COL18A1: variants seen among roughly 807,000 people sequenced by gnomAD.
The protein encoded by COL18A1 is collagen type XVIII alpha 1 chain, also known as collagen alpha-1(XVIII) chain.
COL18A1 carries 133 observed loss-of-function variants against 168.0 expected under a neutral mutation model. That is an observed-to-expected ratio of 0.79 (90% CI 0.69 to 0.91). COL18A1 has a LOEUF of 0.91. COL18A1 is among the 40% of genes least tolerant of loss of function. COL18A1 has a pLI of 0.00. For synonymous variants in COL18A1, 949 were observed against 809.0 expected (o/e 1.17, Z -2.94); for missense variants, 2,126 against 1,925.4 (o/e 1.10, Z -1.95).
At chr21:45,510,407 G>A in intron 40 of COL18A1, 146 bp downstream of exon 40, 1 of 936,018 alleles carries the variant, frequency 1.1e-6, no homozygotes, top group Non-Finnish European at 1.7e-6. Flanking sequence ...TTCAGGGCAG[G>A]CTCCGGGTGG....
chr21:45,423,235 A>G lies in COL18A1; in HGVS notation c.106+17762A>G, dbSNP rs1417517583. On this transcript the variant is annotated intron_variant, in intron 2 of 41. Transcript: ENST00000651438. This position sits in a 1 kb window ranked among gnomAD's most constrained non-coding sequence, Gnocchi z 4.0. ...ACCATGGCTTATGTTCCATGGTGAC[A>G]TGGTTCTTGAGGGTTAGCTGGTCCA... Among the ~76,000 whole-genome samples, 3 of 152,112 alleles carry G rather than the reference A, an allele frequency of 2.0e-5. No homozygotes were observed. The highest frequency in any genetic ancestry group is 7.2e-5 in the African/African-American group (3 of 41,438).
chr21:45,494,454 T>TA lies in COL18A1; in HGVS notation c.2353-89dup. The TA allele has an allele frequency of 2.5e-6, 4 of 1,590,960 alleles. No homozygotes were observed. The South Asian group carries it at 4.4e-5, about 18-fold the overall frequency. ...ATCAGGTGGGGCACAAGCCGCCACC[T>TA]AACCGTGCCTTCGCCACAGGGGCCC... On this transcript the variant is annotated intron_variant, in intron 26 of 41. Transcript: ENST00000651438.
At chr21:45,432,913 C>T (rs891619522) in intron 2 of COL18A1, among the ~76,000 whole-genome samples, 1 of 152,258 alleles carries the variant, frequency 6.6e-6, no homozygotes, top group Non-Finnish European at 1.5e-5. Context: ...ATGCCTGTGC[C>T]AACCCCTCCG....
chr21:45,497,736 G>A (rs962778412), intron 32 of COL18A1, 75 bp downstream of exon 32: 11 of 1,538,530 alleles, frequency 7.1e-6, no homozygotes, highest in South Asian at 3.6e-5. Context: ...ACCTAGAGCC[G>A]CCACCACAAG....
At chr21:45,454,957 T>C (rs2034745189) in intron 2 of COL18A1, among the ~76,000 whole-genome samples, 1 of 152,210 alleles carries the variant, frequency 6.6e-6, no homozygotes, top group Non-Finnish European at 1.5e-5. Flanking sequence ...GCACAGCAGC[T>C]CTGAGAGGGT....
rs766511833 is a variant in COL18A1, at chr21:45,477,901, C to A, written c.1157C>A (p.Pro386His). The change falls in exon 8 of 42, where the codon CCC becomes CAC. Residue 386 changes from proline (P) to histidine (H), a missense_variant. Coordinates refer to ENST00000651438, the MANE Select transcript of COL18A1 (RefSeq NM_001379500.1). ...GPAGPALQTV[P>H]GPQGPPGPPG... ...GCAGGCCCAGCGTTGCAAACTGTCC[C>A]CGGACCACAAGGACCCCCAGGGCCT... The A allele has an allele frequency of 6.4e-7, 1 of 1,565,456 alleles. No homozygotes were observed. Among genetic ancestry groups the A allele is most frequent in the East Asian group, 2.4e-5 (1 of 41,842 alleles).
intron 2 of COL18A1, among the ~76,000 whole-genome samples, chr21:45,466,875 C>A (rs2035232060): frequency 6.6e-6 from 1 of 152,236 alleles, no homozygotes. Context: ...CGGCCTCTGG[C>A]CCCCAGGCCG....
chr21:45,439,407 A>G (rs566992628), intron 2 of COL18A1, among the ~76,000 whole-genome samples: 14 of 152,356 alleles, frequency 9.2e-5, no homozygotes, highest in Admixed American at 5.9e-4. Context: ...GTGGGCAGAG[A>G]GGTCATGACC....
Position 45,435,626 on chromosome 21 carries a change from G to A in COL18A1, c.106+30153G>A, listed in dbSNP as rs546164097. Reference sequence around the variant, plus strand: ...CGGGAGGGAGTCAGAGGTTGGCTGGGGCAGAGGTGGGGTCAGGGAGCAGGA... The same window carrying A: ...CGGGAGGGAGTCAGAGGTTGGCTGGAGCAGAGGTGGGGTCAGGGAGCAGGA... On this transcript the variant is annotated intron_variant, in intron 2 of 41. Transcript: ENST00000651438. 6.1e-3 allele frequency among the ~76,000 whole-genome samples: 931 copies of A among 152,254 alleles called. 8 individuals carry two copies. Among genetic ancestry groups the A allele is most frequent in the Non-Finnish European group, 7.7e-3 (526 of 68,000 alleles).
chr21:45,512,575 T>A lies in COL18A1; in HGVS notation c.*177T>A, dbSNP rs1011481204. The A allele has an allele frequency of 6.7e-5, 44 of 658,778 alleles. No homozygotes were observed. The highest frequency in any genetic ancestry group is 9.1e-5 in the African/African-American group (5 of 54,876). The allele number at this position is 658,778 out of a possible 1,614,324, so 40.8% of individuals were successfully genotyped here. A position where few individuals can be genotyped will look rare whatever the true frequency, so the allele number is the denominator to read the frequency against. On this transcript the variant is annotated 3_prime_UTR_variant, in exon 42 of 42. Transcript: ENST00000651438. ...AAGGAAGCCAAAGAGTGTATTTTTT[T>A]AAAAGTTTAAAACAGAAGCCTGATG...
In COL18A1 at chr21:45,450,034, G is replaced by A. The variant is rs140887353; in HGVS notation, c.107-18208G>A. On this transcript the variant is annotated intron_variant, in intron 2 of 41. Transcript: ENST00000651438. Reference sequence around the variant, plus strand: ...TTTTCATTTCAAAAGGGCTGGAGACGTGTCTGCGGCATCCAAACCTTGACT... The same window carrying A: ...TTTTCATTTCAAAAGGGCTGGAGACATGTCTGCGGCATCCAAACCTTGACT... Among the ~76,000 whole-genome samples, 47 of 152,354 alleles carry A rather than the reference G, an allele frequency of 3.1e-4. No individual in the cohort carries two copies. In the East Asian group the frequency reaches 8.3e-3, roughly 27 times the overall value.
chr21:45,432,993 C>T (rs994322060), intron 2 of COL18A1, among the ~76,000 whole-genome samples: 1 of 152,202 alleles, frequency 6.6e-6, no homozygotes, highest in African/African-American at 2.4e-5. Context: ...TCTACTTTTC[C>T]TAGAATAAGT....
chr21:45,509,828 G>A (rs976219639), intron 39 of COL18A1, among the ~76,000 whole-genome samples: 9 of 152,194 alleles, frequency 5.9e-5, no homozygotes, highest in East Asian at 1.9e-4. Context: ...TTGAGGAACC[G>A]GCGTACCTCC....
rs201512380 is a variant in COL18A1, at chr21:45,492,543, C to T, written c.2166C>T (p.Val722=). The T allele has an allele frequency of 6.2e-7, 1 of 1,613,358 alleles. No homozygotes were observed. Among genetic ancestry groups the T allele is most frequent in the East Asian group, 2.2e-5 (1 of 44,884 alleles). ...CTTTTGCTCGTGGACAGGGATCCGTCCTGAGCGTGCCGGGACCTGAGGTAT... is the reference window on the plus strand; with the variant it reads ...CTTTTGCTCGTGGACAGGGATCCGTTCTGAGCGTGCCGGGACCTGAGGTAT... ...VVYVSEQDGS[V]LSVPGPEGRP... Residue 722 remains valine (V), a synonymous_variant, in exon 23 of 42, where the codon GTC becomes GTT. Coordinates refer to ENST00000651438, the MANE Select transcript of COL18A1 (RefSeq NM_001379500.1).
chr21:45,454,367 G>A (rs970507948), intron 2 of COL18A1, among the ~76,000 whole-genome samples: 1 of 152,176 alleles, frequency 6.6e-6, no homozygotes, highest in African/African-American at 2.4e-5. Context: ...CCCAGCCCTG[G>A]GGGAGGGTGG....
rs1305129114 is a variant in COL18A1, at chr21:45,455,402, G to A, written c.107-12840G>A. On this transcript the variant is annotated intron_variant, in intron 2 of 41. Coordinates refer to ENST00000651438, the MANE Select transcript of COL18A1 (RefSeq NM_001379500.1). ...CCTTCTTTCCTTCTGCAAGAGTGGG[G>A]GGTGGAAGACAGCCGGCCAGAGGCT... 2.3e-6 allele frequency: 3 copies of A among 1,316,736 alleles called. No homozygotes were observed. In the African/African-American group the frequency reaches 4.3e-5, roughly 19 times the overall value. 81.6% of individuals were successfully genotyped at this position (1,316,736 alleles called of 1,614,324 possible).
chr21:45,458,931 T>G (rs1445908515), intron 2 of COL18A1, among the ~76,000 whole-genome samples: 1 of 151,962 alleles, frequency 6.6e-6, no homozygotes, highest in African/African-American at 2.4e-5. Context: ...GGGGTCCGAG[T>G]GGGGCTGTGA....
chr21:45,480,747 C>T lies in COL18A1; in HGVS notation c.1500C>T (p.Gly500=), dbSNP rs780351698. ...CTCCCGGACCCCCCGGTGTCCCAGG[C>T]CTGCCCGGCGAGCCAGGCCGCTTTG... ...PGPPGPPGVP[G]LPGEPGRFGV... The change falls in exon 13 of 42, where the codon GGC becomes GGT. Residue 500 remains glycine (G), a synonymous_variant. Transcript: ENST00000651438. The T allele has an allele frequency of 2.5e-6, 4 of 1,610,660 alleles. No homozygotes were observed. The East Asian group carries it at 8.9e-5, about 36-fold the overall frequency.
At chr21:45,413,020 G>A (rs548441417) in intron 2 of COL18A1, among the ~76,000 whole-genome samples, 4 of 152,278 alleles carry the variant, frequency 2.6e-5, no homozygotes, top group East Asian at 1.9e-4. Context: ...ATGGTGGAGC[G>A]TCATGGGGCC....
Sources: gnomAD v4.1 joint callset for allele counts (sites outside exome capture counted in the v4.1 genomes callset) on GRCh38, gnomAD v4.1.1 for gene constraint, Gnocchi (gnomAD v3.1) non-coding constraint, MANE v1.5 for transcripts, NCBI Gene and HGNC (gene_info 2026-07-23, HGNC 2026-07-21) for gene names.